IGF2R: variants seen among roughly 807,000 people sequenced by gnomAD.
IGF2R encodes the protein cation-independent mannose-6-phosphate receptor.
Under a neutral mutation model 270.6 loss-of-function variants are expected in IGF2R, and 91 were observed. The ratio of observed to expected loss-of-function variants is 0.34; its 90% CI spans 0.28 to 0.40. The LOEUF (loss-of-function observed/expected upper bound fraction) is 0.40. Among genes scored for constraint, IGF2R ranks in the 10% least tolerant of loss-of-function variants. The probability of loss-of-function intolerance (pLI) is 1.00; values close to 1 mark genes in which losing one functional copy is unlikely to be tolerated. For missense variants in IGF2R, 2,805 were observed against 3,188.3 expected (o/e 0.88, Z 2.90); for synonymous variants, 1,316 against 1,258.9 (o/e 1.05, Z -0.96).
At chr6:160,065,774 A>ATGTGTG (rs1491127323) in intron 29 of IGF2R, among the ~76,000 whole-genome samples, 1 of 126,410 alleles carries the variant, frequency 7.9e-6, no homozygotes, top group Admixed American at 8.2e-5. Flanking sequence ...TTTCCTAGAG[A>ATGTGTG]TATGTGTATG....
At chr6:159,980,641 T>C (rs878887973) in intron 1 of IGF2R, among the ~76,000 whole-genome samples, 1 of 152,162 alleles carries the variant, frequency 6.6e-6, no homozygotes, top group Non-Finnish European at 1.5e-5. Flanking sequence ...GTGGCCTCAT[T>C]AGCATCATGG....
chr6:160,036,240 C>G (rs944633790), intron 10 of IGF2R, among the ~76,000 whole-genome samples: 9 of 152,146 alleles, frequency 5.9e-5, no homozygotes, highest in African/African-American at 2.2e-4. Flanking sequence ...TCTGAGCACT[C>G]CCTGCACCCC....
intron 33 of IGF2R, 127 bp downstream of exon 33, chr6:160,073,011 C>T: frequency 7.1e-7 from 1 of 1,405,494 alleles, no homozygotes; most frequent in Non-Finnish European, 9.7e-7. Context: ...TTGTCTCCTG[C>T]AGCAGTCACC....
chr6:160,042,000 T>C (rs938318163), intron 11 of IGF2R, among the ~76,000 whole-genome samples: 2 of 151,952 alleles, frequency 1.3e-5, no homozygotes, highest in African/African-American at 4.8e-5. Context: ...AGTTAACTTT[T>C]TTTTTTTTAA....
At chr6:160,060,501 T>G in intron 22 of IGF2R, 46 bp from the exon 23 acceptor site, 1 of 1,596,596 alleles carries the variant, frequency 6.3e-7, no homozygotes, top group Non-Finnish European at 8.6e-7. Flanking sequence ...GGCTGCGCCA[T>G]GAATACTGTT....
At chr6:160,056,799 G>A (rs1377150223) in intron 20 of IGF2R, among the ~76,000 whole-genome samples, 1 of 152,150 alleles carries the variant, frequency 6.6e-6, no homozygotes, top group Non-Finnish European at 1.5e-5. Flanking sequence ...ATGTGGCAGT[G>A]GTATCCTGGT....
At chr6:160,056,354 C>A (rs555213748) in intron 19 of IGF2R, 70 bp from the exon 20 acceptor site, 9 of 1,059,344 alleles carry the variant, frequency 8.5e-6, no homozygotes, top group South Asian at 5.0e-5. Flanking sequence ...ATGTCTCAGG[C>A]GAGTATTCTT....
chr6:160,012,285 T>TG (rs1784346113), intron 4 of IGF2R, among the ~76,000 whole-genome samples: 1 of 152,186 alleles, frequency 6.6e-6, no homozygotes, highest in East Asian at 1.9e-4. Context: ...AGCAGACATC[T>TG]GTTTGGGGTT....
At chr6:160,038,651 G>A (rs1288378050) in intron 10 of IGF2R, among the ~76,000 whole-genome samples, 5 of 152,102 alleles carry the variant, frequency 3.3e-5, no homozygotes, top group African/African-American at 4.8e-5. Context: ...AGGCAGAGGC[G>A]CGTCACTGTT....
At chr6:160,064,932 A>AC in intron 29 of IGF2R, 31 bp downstream of exon 29, 1 of 1,418,104 alleles carries the variant, frequency 7.1e-7, no homozygotes, top group Non-Finnish European at 1.0e-6. Context: ...TCTCTTTTGG[A>AC]CAGACTAACT....
At chr6:160,023,712 C>T (rs1340973651) in intron 4 of IGF2R, among the ~76,000 whole-genome samples, 1 of 152,204 alleles carries the variant, frequency 6.6e-6, no homozygotes, top group Non-Finnish European at 1.5e-5. Flanking sequence ...AACGTAGCTT[C>T]TGCTATTGTT....
chr6:159,981,882 G>A (rs142101966), intron 1 of IGF2R, among the ~76,000 whole-genome samples: 1 of 152,214 alleles, frequency 6.6e-6, no homozygotes, highest in African/African-American at 2.4e-5. Context: ...CATACACCGG[G>A]CTTCCTTCCA....
chr6:160,090,127 T>G (rs200901973), intron 44 of IGF2R, 24 bp downstream of exon 44: 64 of 1,424,098 alleles, frequency 4.5e-5, no homozygotes, highest in Non-Finnish European at 4.6e-5. Context: ...TCCCACAAAG[T>G]TCCACATTTA....
intron 19 of IGF2R, among the ~76,000 whole-genome samples, chr6:160,052,438 A>G (rs1778220414): frequency 6.6e-6 from 1 of 152,230 alleles, no homozygotes; most frequent in Non-Finnish European, 1.5e-5. Flanking sequence ...AAAAGAGGAC[A>G]CAAACAAATG....
chr6:160,101,685 C>T (rs896944967), intron 45 of IGF2R, among the ~76,000 whole-genome samples: 1 of 152,216 alleles, frequency 6.6e-6, no homozygotes, highest in African/African-American at 2.4e-5. Flanking sequence ...GTGTGTGTGG[C>T]CCCAAGTGAC....
chr6:160,076,676 C>T (rs958859396), intron 36 of IGF2R, among the ~76,000 whole-genome samples: 6 of 152,210 alleles, frequency 3.9e-5, no homozygotes, highest in African/African-American at 1.4e-4. Context: ...AGGGACACAG[C>T]ACCACAGCCT....
Position 160,080,242 on chromosome 6 carries a change from G to A in IGF2R, c.5800G>A (p.Asp1934Asn), listed in dbSNP as rs1386087222. ...KLWCSTTADY[D>N]RDHEWGFCRH... ...GTGGTGTAGCACAACTGCGGACTAC[G>A]ACAGAGACCACGAGTGGGGCTTCTG... The change falls in exon 39 of 48, where the codon GAC becomes AAC. Residue 1934 changes from aspartate (D) to asparagine (N), a missense_variant. This residue lies in a region of IGF2R where 1,851 missense variants were observed against 2,207.2 expected (regional missense o/e 0.84). Coordinates refer to ENST00000356956, the MANE Select transcript of IGF2R (RefSeq NM_000876.4). The A allele has an allele frequency of 1.2e-5, 19 of 1,614,014 alleles. No homozygotes were observed. The highest frequency in any genetic ancestry group is 4.5e-5 in the East Asian group (2 of 44,896).
intron 29 of IGF2R, 150 bp downstream of exon 29, chr6:160,065,051 A>G (rs8191863): frequency 0.15 from 94,138 of 622,996 alleles, 8,116 homozygotes; most frequent in Non-Finnish European, 0.18. Context: ...GAGTCGGGCT[A>G]GGTTAACTCT....
At chr6:160,079,199 A>C (rs1172996908) in intron 37 of IGF2R, among the ~76,000 whole-genome samples, 5 of 152,200 alleles carry the variant, frequency 3.3e-5, no homozygotes, top group African/African-American at 9.6e-5. Context: ...TTCAGCGTGC[A>C]GCGTCGGCTC....
Sources: gnomAD v4.1 joint callset for allele counts (sites outside exome capture counted in the v4.1 genomes callset) on GRCh38, gnomAD v4.1.1 for gene constraint, gnomAD v4.1.1 regional missense constraint, MANE v1.5 for transcripts, NCBI Gene and HGNC (gene_info 2026-07-23, HGNC 2026-07-21) for gene names.